Variants in TAMM41 observed in about 807,000 individuals in gnomAD.
The protein encoded by TAMM41 is phosphatidate cytidylyltransferase, mitochondrial.
A neutral mutation model predicts 44.1 loss-of-function variants in TAMM41; 36 were observed. The observed-to-expected ratio is 0.82, with a 90% CI of 0.63 to 1.08. The LOEUF is 1.08. Among genes scored for constraint, TAMM41 ranks in the 50% least tolerant of loss-of-function variants. The pLI, the probability that TAMM41 is intolerant of heterozygous loss-of-function variation, is 0.00. For missense variants in TAMM41, 417 were observed against 404.3 expected (o/e 1.03, Z -0.27); for synonymous variants, 164 against 153.1 (o/e 1.07, Z -0.53).
At chr3:11,790,085 C>T (rs537754552), downstream of TAMM41, among the ~76,000 whole-genome samples, 7 of 152,222 alleles carry the variant, frequency 4.6e-5, no homozygotes, top group Non-Finnish European at 5.9e-5. Context: ...GTGACACTTG[C>T]GAGCCCCTGC....
At chr3:11,770,268 G>C in the TAMM41 span, among the ~76,000 whole-genome samples, 3 of 152,152 alleles carry the variant, frequency 2.0e-5, no homozygotes, top group Non-Finnish European at 2.9e-5. Context: ...TGGAGACACA[G>C]AGAAAGTTCA....
downstream of TAMM41, among the ~76,000 whole-genome samples, chr3:11,786,281 TTAATTTTATTA>T (rs2077416552): frequency 8.0e-6 from 1 of 124,272 alleles, no homozygotes; most frequent in South Asian, 2.5e-4. Context: ...ATTTATTTAT[TTAATTTTATTA>T]TTATTATTAT....
chr3:11,742,538 C>T, the TAMM41 span, among the ~76,000 whole-genome samples: 64 of 149,906 alleles, frequency 4.3e-4, 6 homozygotes, highest in African/African-American at 1.6e-3. Context: ...GCAAATCAAG[C>T]TGCTATGAAC....
intron 7 of TAMM41, chr3:11,807,388 C>A: frequency 2.0e-6 from 3 of 1,513,736 alleles, no homozygotes; most frequent in South Asian, 1.3e-5. Context: ...AAAGTTGAAA[C>A]GTAGAGAAGG....
the TAMM41 span, among the ~76,000 whole-genome samples, chr3:11,762,982 A>G: frequency 6.6e-6 from 1 of 152,194 alleles, no homozygotes; most frequent in African/African-American, 2.4e-5. Context: ...AGGTTGCAGT[A>G]AGCCAAGATG....
chr3:11,726,369 A>C, the TAMM41 span, among the ~76,000 whole-genome samples: 1 of 152,364 alleles, frequency 6.6e-6, no homozygotes, highest in East Asian at 1.9e-4. Flanking sequence ...GACCAGATCA[A>C]GTTAGGCAAA....
At chr3:11,729,487 C>T in the TAMM41 span, among the ~76,000 whole-genome samples, 1 of 147,694 alleles carries the variant, frequency 6.8e-6, no homozygotes, top group Non-Finnish European at 1.5e-5. Context: ...TGGGATTGCC[C>T]TGTTACCCTG....
intron 3 of TAMM41, among the ~76,000 whole-genome samples, chr3:11,830,481 T>G (rs754264199): frequency 6.6e-6 from 1 of 152,202 alleles, no homozygotes; most frequent in African/African-American, 2.4e-5. Context: ...ATAATAAATG[T>G]AAAGTGCCTA....
At chr3:11,839,802 T>C (rs2079354157) in intron 2 of TAMM41, among the ~76,000 whole-genome samples, 1 of 152,212 alleles carries the variant, frequency 6.6e-6, no homozygotes. Flanking sequence ...AGGGCCTGAA[T>C]TCTGCTAAAA....
the TAMM41 span, among the ~76,000 whole-genome samples, chr3:11,732,708 C>T: frequency 6.6e-6 from 1 of 152,098 alleles, no homozygotes; most frequent in Non-Finnish European, 1.5e-5. Context: ...GAGCTGAGGC[C>T]TGAATGATGA....
intron 1 of TAMM41, 107 bp downstream of exon 1, chr3:11,846,395 T>TG: frequency 1.5e-6 from 2 of 1,295,660 alleles, no homozygotes; most frequent in Non-Finnish European, 2.2e-6. Flanking sequence ...AGTGGACACG[T>TG]GGAGTGTGCA....
chr3:11,838,284 G>A (rs1004290433), intron 3 of TAMM41, among the ~76,000 whole-genome samples: 5 of 151,844 alleles, frequency 3.3e-5, no homozygotes, highest in East Asian at 3.9e-4. Context: ...GTGTGATCTC[G>A]GCTCATTGCA....
the TAMM41 span, among the ~76,000 whole-genome samples, chr3:11,761,946 CAA>C: frequency 0.34 from 24,868 of 73,898 alleles, 1,803 homozygotes; most frequent in East Asian, 0.4. Flanking sequence ...GACTCTGTCT[CAA>C]AAAAAAAAAA....
chr3:11,738,008 G>C, the TAMM41 span, among the ~76,000 whole-genome samples: 5 of 152,200 alleles, frequency 3.3e-5, no homozygotes, highest in African/African-American at 1.2e-4. Context: ...ATGTCATTTA[G>C]CTAGGACAAT....
intron 5 of TAMM41, 139 bp from the exon 6 acceptor site, chr3:11,809,821 C>A (rs375527196): frequency 2.6e-6 from 2 of 768,986 alleles, no homozygotes; most frequent in East Asian, 2.7e-5. Flanking sequence ...GCTAAGGAAA[C>A]TCTCTTTTTC....
intron 5 of TAMM41, among the ~76,000 whole-genome samples, chr3:11,810,542 C>T (rs2078055539): frequency 6.6e-6 from 1 of 152,176 alleles, no homozygotes; most frequent in African/African-American, 2.4e-5. Context: ...AAGTGCAGAA[C>T]CAGTAACACT....
At chr3:11,839,635 G>A (rs760563894) in intron 2 of TAMM41, among the ~76,000 whole-genome samples, 7 of 152,286 alleles carry the variant, frequency 4.6e-5, no homozygotes, top group South Asian at 2.1e-4. Flanking sequence ...ATGCCTGGGC[G>A]TAGGTCAAGC....
intron 3 of TAMM41, among the ~76,000 whole-genome samples, chr3:11,832,372 T>C (rs1266441507): frequency 2.6e-5 from 4 of 152,010 alleles, no homozygotes; most frequent in Admixed American, 1.3e-4. Context: ...GCGAATGATG[T>C]GAAGTGTAAG....
At chr3:11,839,388 G>A in intron 2 of TAMM41, 74 bp from the exon 3 acceptor site, 1 of 986,378 alleles carries the variant, frequency 1.0e-6, no homozygotes, top group Non-Finnish European at 1.5e-6. Context: ...AAAATATAAG[G>A]AAACAGATAA....
Sources: allele counts gnomAD v4.1 joint callset (sites outside exome capture counted in the v4.1 genomes callset), GRCh38; gene constraint gnomAD v4.1.1; transcripts MANE v1.5; gene names NCBI Gene and HGNC (gene_info 2026-07-23, HGNC 2026-07-21).